The following IL1RAPL1 variants were observed in gnomAD, a reference collection of about 807,000 sequenced individuals.
IL1RAPL1 encodes the protein interleukin-1 receptor accessory protein-like 1.
In IL1RAPL1, 3 loss-of-function variants were observed where a neutral mutation model predicts 48.4. The ratio of observed to expected loss-of-function variants is 0.06; its 90% CI spans 0.03 to 0.16. The LOEUF (loss-of-function observed/expected upper bound fraction) is 0.16. Ranked by LOEUF, IL1RAPL1 falls within the 10% of genes least tolerant of loss-of-function variation. The pLI is 1.00. For missense variants in IL1RAPL1, 349 were observed against 530.6 expected (o/e 0.66, Z 3.36); for synonymous variants, 185 against 187.7 (o/e 0.99, Z 0.12).
intron 2 of IL1RAPL1, among the ~76,000 whole-genome samples, chrX:29,111,544 G>A (rs1344090026): frequency 1.8e-5 from 2 of 111,426 alleles, no homozygotes; most frequent in Non-Finnish European, 1.9e-5. Flanking sequence ...ACAAGCAATC[G>A]TCTTATGAAA....
intron 6 of IL1RAPL1, among the ~76,000 whole-genome samples, chrX:29,771,866 A>T (rs1362253616): frequency 9.0e-6 from 1 of 111,558 alleles, no homozygotes; most frequent in Admixed American, 9.6e-5. Context: ...GTGCCTGGGG[A>T]GGCCTCACAA....
At chrX:28,617,048 AGAACTT>A in intron 1 of IL1RAPL1, among the ~76,000 whole-genome samples, 1 of 112,590 alleles carries the variant, frequency 8.9e-6, no homozygotes, top group Non-Finnish European at 1.9e-5. Flanking sequence ...GATGTTTCAG[AGAACTT>A]TAAAACTTTC....
Position 28,615,199 on chromosome X carries a change from GTTTTTTTTTTTTTTTTTTTTT to G in IL1RAPL1, c.-25+27167_-25+27187del, listed in dbSNP as rs778402885. On this transcript the variant is annotated intron_variant, in intron 1 of 10. Coordinates refer to ENST00000378993, the MANE Select transcript of IL1RAPL1 (RefSeq NM_014271.4). ...CACTGCGCCTGGCCAACTGTTGTCT[GTTTTTTTTTTTTTTTTTTTTT>G]TTTTTTTTTTTTTTACCTACAAATT... Among the ~76,000 whole-genome samples the G allele has an allele frequency of 2.4e-3, 62 of 26,058 alleles. 1 individual carries two copies. Among genetic ancestry groups the G allele is most frequent in the African/African-American group, 7.4e-3 (52 of 7,053 alleles). 22.6% of individuals were successfully genotyped at this position (26,058 alleles called of 115,157 possible). A position where few individuals can be genotyped will look rare whatever the true frequency, so the allele number is the denominator to read the frequency against.
chrX:29,954,721 G>A lies in IL1RAPL1; in HGVS notation c.1372+29G>A, dbSNP rs774493754. The A allele has an allele frequency of 4.6e-6, 5 of 1,083,038 alleles. No homozygotes were observed. The South Asian group carries it at 9.2e-5, about 20-fold the overall frequency. The allele number at this position is 1,083,038 out of a possible 1,213,427, so 89.3% of individuals were successfully genotyped here. ...AGTTAATGTTTTCATTTGAGAGTGT[G>A]CATATTCATGTGAGTGTCTGTGTAG... On this transcript the variant is annotated intron_variant, in intron 10 of 10. Transcript: ENST00000378993.
chrX:29,615,522 G>C (rs1284146953), intron 5 of IL1RAPL1, among the ~76,000 whole-genome samples: 1 of 110,981 alleles, frequency 9.0e-6, no homozygotes, highest in East Asian at 2.9e-4. Flanking sequence ...CACCTGCCCA[G>C]ACCACTGCAG....
At chrX:28,747,286 T>C (rs1444945913) in intron 1 of IL1RAPL1, among the ~76,000 whole-genome samples, 4 of 111,797 alleles carry the variant, frequency 3.6e-5, no homozygotes, top group Non-Finnish European at 7.5e-5. Flanking sequence ...CTTCCCCATG[T>C]ACACATGTTA....
intron 1 of IL1RAPL1, among the ~76,000 whole-genome samples, chrX:28,754,066 A>G (rs1260703769): frequency 9.1e-6 from 1 of 109,798 alleles, no homozygotes; most frequent in Non-Finnish European, 1.9e-5. Flanking sequence ...TTTTTTTTTA[A>G]TCTTGTAAAA....
intron 2 of IL1RAPL1, among the ~76,000 whole-genome samples, chrX:29,057,919 C>T (rs747529090): frequency 1.3e-4 from 15 of 111,618 alleles, no homozygotes; most frequent in Non-Finnish European, 2.8e-4. Context: ...TGATCATTCT[C>T]AAAACCCTGT....
intron 1 of IL1RAPL1, among the ~76,000 whole-genome samples, chrX:28,601,706 T>TA (rs886401324): frequency 5.5e-5 from 6 of 109,600 alleles, no homozygotes; most frequent in South Asian, 7.8e-4. Flanking sequence ...AGATCTGTCT[T>TA]AAAAAAAAAT....
rs776377812 is a variant in IL1RAPL1, at chrX:28,918,088, T to C, written c.82+128663T>C. 1.2e-4 allele frequency among the ~76,000 whole-genome samples: 14 copies of C among 112,697 alleles called. No individual in the cohort carries two copies. The South Asian group carries it at 5.0e-3, about 41-fold the overall frequency. On this transcript the variant is annotated intron_variant, in intron 2 of 10. Transcript: ENST00000378993. Reference sequence around the variant, plus strand: ...GTTCCTCATGATTTCCTTTTTTATATGAATATTTTCTTTAAACATATTGAC... The same window carrying C: ...GTTCCTCATGATTTCCTTTTTTATACGAATATTTTCTTTAAACATATTGAC...
chrX:29,236,545 C>CTTTTTTTTTTTTTTTTTTTTTTT (rs754996544), intron 2 of IL1RAPL1, among the ~76,000 whole-genome samples: 24 of 63,196 alleles, frequency 3.8e-4, no homozygotes, highest in South Asian at 9.5e-4. Flanking sequence ...CTTTTTTTTT[C>CTTTTTTTTTTTTTTTTTTTTTTT]TTTTTTTTTT....
At chrX:29,592,264 TATC>T (rs1224931777) in intron 5 of IL1RAPL1, among the ~76,000 whole-genome samples, 1 of 112,068 alleles carries the variant, frequency 8.9e-6, no homozygotes, top group Non-Finnish European at 1.9e-5. Flanking sequence ...AGATTAGTTG[TATC>T]ATCTGTGAAT....
At position 29,081,035 on chromosome X, in the gene IL1RAPL1, T is replaced by TC. The variant is rs1242801637; in HGVS notation, c.83-201903_83-201902insC. Among the ~76,000 whole-genome samples the TC allele has an allele frequency of 6.5e-3, 552 of 85,217 alleles. 20 individuals are homozygous for TC. Among genetic ancestry groups the TC allele is most frequent in the Middle Eastern group, 0.017 (3 of 174 alleles). 74.0% of individuals were successfully genotyped at this position (85,217 alleles called of 115,157 possible). Reference sequence around the variant, plus strand: ...CTCTCTCTCTCTTTCTTTTCTTTTCTTTTCTTTTCTTTTCTTTTCTTTTCT... The same window carrying TC: ...CTCTCTCTCTCTTTCTTTTCTTTTCTCTTTCTTTTCTTTTCTTTTCTTTTCT... On this transcript the variant is annotated intron_variant, in intron 2 of 10. Coordinates refer to ENST00000378993, the MANE Select transcript of IL1RAPL1 (RefSeq NM_014271.4).
At chrX:28,871,153 G>T (rs1474502960) in intron 2 of IL1RAPL1, among the ~76,000 whole-genome samples, 1 of 111,848 alleles carries the variant, frequency 8.9e-6, no homozygotes, top group Non-Finnish European at 1.9e-5. Context: ...GCACTAAGCC[G>T]GTAAGAGAAA....
intron 1 of IL1RAPL1, among the ~76,000 whole-genome samples, chrX:28,769,536 A>G (rs779875781): frequency 5.3e-4 from 59 of 111,913 alleles, no homozygotes; most frequent in Non-Finnish European, 9.8e-4. Context: ...GGATATCACT[A>G]TCATGACAAG....
chrX:29,056,543 A>G (rs1204530280), intron 2 of IL1RAPL1, among the ~76,000 whole-genome samples: 1 of 112,067 alleles, frequency 8.9e-6, no homozygotes, highest in Non-Finnish European at 1.9e-5. Flanking sequence ...GCACATTTTA[A>G]TAGAATGCAC....
At chrX:29,918,147 ATAT>A in intron 7 of IL1RAPL1, among the ~76,000 whole-genome samples, 8 of 44,217 alleles carry the variant, frequency 1.8e-4, no homozygotes, top group African/African-American at 7.6e-4. Context: ...AAAAAAAAAT[ATAT>A]ATATATATAT....
intron 6 of IL1RAPL1, among the ~76,000 whole-genome samples, chrX:29,822,444 G>A (rs1930642992): frequency 9.2e-6 from 1 of 108,591 alleles, no homozygotes; most frequent in African/African-American, 3.4e-5. Flanking sequence ...TTTTTTGTGT[G>A]TTTACAGATA....
chrX:29,529,315 C>T (rs1457965228), intron 5 of IL1RAPL1, among the ~76,000 whole-genome samples: 5 of 110,834 alleles, frequency 4.5e-5, no homozygotes, highest in Non-Finnish European at 9.4e-5. Flanking sequence ...GTATTTGGGC[C>T]GGGTACAATG....
Sources: gnomAD v4.1 joint callset for allele counts (sites outside exome capture counted in the v4.1 genomes callset) on GRCh38, gnomAD v4.1.1 for gene constraint, MANE v1.5 for transcripts, NCBI Gene and HGNC (gene_info 2026-07-23, HGNC 2026-07-21) for gene names.